SCN10A: variants seen among roughly 807,000 people sequenced by gnomAD.
SCN10A encodes the protein sodium channel protein type 10 subunit alpha.
A neutral mutation model predicts 170.7 loss-of-function variants in SCN10A; 162 were observed. That is an observed-to-expected ratio of 0.95 (90% CI 0.84 to 1.08). SCN10A has a LOEUF of 1.08. Ranked by LOEUF, SCN10A falls within the 50% of genes least tolerant of loss-of-function variation. The probability of loss-of-function intolerance (pLI) is 0.00; values close to 1 mark genes in which losing one functional copy is unlikely to be tolerated. For missense variants in SCN10A, 2,527 were observed against 2,436.9 expected (o/e 1.04, Z -0.78); for synonymous variants, 985 against 904.6 (o/e 1.09, Z -1.59).
intron 27 of SCN10A, among the ~76,000 whole-genome samples, chr3:38,700,806 C>A (rs1308972449): frequency 6.6e-6 from 1 of 152,114 alleles, no homozygotes; most frequent in African/African-American, 2.4e-5. Flanking sequence ...ACAGCTACAC[C>A]CCGACATGAA....
At chr3:38,780,676 T>C (rs896812744) in intron 4 of SCN10A, among the ~76,000 whole-genome samples, 19 of 152,234 alleles carry the variant, frequency 1.2e-4, no homozygotes, top group Non-Finnish European at 5.9e-5. Flanking sequence ...ACTTATTACT[T>C]GCTGTTTATT....
intron 3 of SCN10A, among the ~76,000 whole-genome samples, 199 bp from the exon 4 acceptor site, chr3:38,789,235 G>C (rs548247489): frequency 2.6e-5 from 4 of 152,126 alleles, no homozygotes; most frequent in Non-Finnish European, 5.9e-5. Flanking sequence ...TAATACAACT[G>C]ATCTACAGGT....
At chr3:38,701,557 C>G (rs935261969) in intron 27 of SCN10A, among the ~76,000 whole-genome samples, 6 of 152,282 alleles carry the variant, frequency 3.9e-5, no homozygotes, top group African/African-American at 1.4e-4. Flanking sequence ...GTGATTATTC[C>G]CTGTCAGCCC....
chr3:38,780,273 C>A (rs1001699808), intron 4 of SCN10A, among the ~76,000 whole-genome samples: 6 of 151,984 alleles, frequency 3.9e-5, no homozygotes, highest in African/African-American at 1.4e-4. Context: ...ATTCCACTTT[C>A]TCTGATATTA....
Position 38,754,810 on chromosome 3 carries a change from G to A in SCN10A, c.1461+978C>T, listed in dbSNP as rs530398209. Among the ~76,000 whole-genome samples the A allele has an allele frequency of 5.1e-4, 78 of 152,154 alleles. 1 individual carries two copies. Among genetic ancestry groups the A allele is most frequent in the African/African-American group, 1.8e-3 (74 of 41,492 alleles). On this transcript the variant is annotated intron_variant, in intron 11 of 27. Transcript: ENST00000449082. ...ATTGCAAAAAAGTAAAATATCCTTC[G>A]GCTTAGCACAGGAAAAGAGATTGAG...
intron 17 of SCN10A, 36 bp downstream of exon 17, chr3:38,726,570 C>G: frequency 2.0e-6 from 3 of 1,512,096 alleles, no homozygotes; most frequent in Non-Finnish European, 2.7e-6. Context: ...AGCCCCTCCC[C>G]ACTGCCTGTG....
intron 1 of SCN10A, among the ~76,000 whole-genome samples, chr3:38,806,354 T>G (rs1293403137): frequency 6.6e-6 from 1 of 152,144 alleles, no homozygotes; most frequent in Non-Finnish European, 1.5e-5. Context: ...AGGAATAAAT[T>G]TTTGTGTCAA....
chr3:38,805,944 G>C (rs1370705609), intron 1 of SCN10A, among the ~76,000 whole-genome samples: 1 of 152,146 alleles, frequency 6.6e-6, no homozygotes, highest in Admixed American at 6.5e-5. Context: ...GGACGAAAGT[G>C]CGTGCGCTAT....
intron 4 of SCN10A, among the ~76,000 whole-genome samples, chr3:38,785,967 G>A (rs1294005276): frequency 6.6e-6 from 1 of 152,130 alleles, no homozygotes; most frequent in Non-Finnish European, 1.5e-5. Flanking sequence ...TCATTAAAAA[G>A]TCAGGAAACA....
At chr3:38,707,735 T>C (rs1418957966) in intron 25 of SCN10A, among the ~76,000 whole-genome samples, 1 of 152,200 alleles carries the variant, frequency 6.6e-6, no homozygotes, top group Non-Finnish European at 1.5e-5. Flanking sequence ...GTAAAATTCT[T>C]TGGGCTTCTA....
chr3:38,720,316 G>A (rs1207654314), intron 20 of SCN10A, among the ~76,000 whole-genome samples: 1 of 152,212 alleles, frequency 6.6e-6, no homozygotes, highest in Admixed American at 6.5e-5. Flanking sequence ...ACTATTTACT[G>A]AGAAAAATGT....
At chr3:38,793,153 C>T (rs7644127) in intron 2 of SCN10A, among the ~76,000 whole-genome samples, 20 of 152,154 alleles carry the variant, frequency 1.3e-4, no homozygotes, top group African/African-American at 4.8e-4. Flanking sequence ...TATACAGGCA[C>T]ACATTCCAGT....
chr3:38,714,187 G>T, intron 21 of SCN10A, 107 bp from the exon 22 acceptor site: 3 of 1,368,160 alleles, frequency 2.2e-6, no homozygotes, highest in Non-Finnish European at 2.0e-6. Flanking sequence ...ACACGTCTAA[G>T]CCATCATCCT....
chr3:38,698,550 G>GA lies in SCN10A; in HGVS notation c.4669dup (p.Ser1557PhefsTer5), dbSNP rs1559407320. On this transcript the variant is annotated frameshift_variant, in exon 28 of 28. Coordinates refer to ENST00000449082, the MANE Select transcript of SCN10A (RefSeq NM_006514.4). LOFTEE classifies it high-confidence loss of function. ...ACTTTGAAGTGACTTAAGAATTGCA[G>GA]AAAAAATCAGGCCTTTAAAAGAAGG... 11 of 1,608,082 alleles carry GA rather than the reference G, an allele frequency of 6.8e-6. No homozygotes were observed. The highest frequency in any genetic ancestry group is 4.5e-5 in the East Asian group (2 of 44,724).
At chr3:38,796,767 A>T (rs1364291677) in intron 1 of SCN10A, among the ~76,000 whole-genome samples, 2 of 151,994 alleles carry the variant, frequency 1.3e-5, no homozygotes, top group Non-Finnish European at 2.9e-5. Context: ...CTATGTTAGG[A>T]TTCCTGTTTC....
rs769280972 is a variant in SCN10A at position 38,742,454 on chromosome 3, C to A, written c.1943G>T (p.Cys648Phe). Residue 648 changes from cysteine to phenylalanine, a missense_variant, in exon 14 of 28, where the codon TGC (cysteine) becomes TTC (phenylalanine). Coordinates refer to ENST00000449082, the MANE Select transcript of SCN10A (RefSeq NM_006514.4). ...TGTCTTGAGCTTCACCCACATGGGG[C>A]AGCAATCCCAGATCAGATACTTCTG... ...LSQKYLIWDC[C>F]PMWVKLKTIL... The A allele has an allele frequency of 6.2e-7, 1 of 1,614,184 alleles. No homozygotes were observed. Among genetic ancestry groups the A allele is most frequent in the South Asian group, 1.1e-5 (1 of 91,074 alleles).
intron 4 of SCN10A, among the ~76,000 whole-genome samples, chr3:38,774,670 C>G (rs1322690599): frequency 6.6e-6 from 1 of 152,234 alleles, no homozygotes; most frequent in African/African-American, 2.4e-5. Context: ...GAATGGATCA[C>G]TGAGATACCC....
At position 38,713,974 on chromosome 3, in the gene SCN10A, C is replaced by T. The variant is rs754277304; in HGVS notation, c.3788G>A (p.Arg1263Gln). ...RALRPLRALSRFEGMRVVVDA... is the reference protein window; with the variant it reads ...RALRPLRALSQFEGMRVVVDA... ...CAGACTTACCCGCATGCCTTCAAATCGAGAAAGAGCCCGCAGTGGCCGCAG... is the reference window on the plus strand; with the variant it reads ...CAGACTTACCCGCATGCCTTCAAATTGAGAAAGAGCCCGCAGTGGCCGCAG... Residue 1263 changes from arginine (R) to glutamine (Q), a missense_variant, in exon 22 of 28, where the codon CGA becomes CAA. Coordinates refer to ENST00000449082, the MANE Select transcript of SCN10A (RefSeq NM_006514.4). 35 of 1,613,544 alleles carry T rather than the reference C, an allele frequency of 2.2e-5. No homozygotes were observed. The highest frequency in any genetic ancestry group is 2.7e-5 in the African/African-American group (2 of 74,916).
intron 1 of SCN10A, among the ~76,000 whole-genome samples, chr3:38,795,480 T>C (rs1174049727): frequency 1.3e-5 from 2 of 151,722 alleles, no homozygotes; most frequent in Non-Finnish European, 2.9e-5. Flanking sequence ...AGCTGGGCTA[T>C]AGGCACATGT....
Sources: gnomAD v4.1 joint callset for allele counts (sites outside exome capture counted in the v4.1 genomes callset) on GRCh38, gnomAD v4.1.1 for gene constraint, MANE v1.5 for transcripts, NCBI Gene and HGNC (gene_info 2026-07-23, HGNC 2026-07-21) for gene names.